Variants in AGBL1 observed in about 807,000 individuals in gnomAD.
AGBL1 encodes AGBL carboxypeptidase 1.
A neutral mutation model predicts 118.9 loss-of-function variants in AGBL1; 130 were observed. The ratio of observed to expected loss-of-function variants is 1.09; its 90% CI spans 0.95 to 1.26. The LOEUF (loss-of-function observed/expected upper bound fraction) is 1.26. Among genes scored for constraint, AGBL1 ranks in the 50% most tolerant of loss-of-function variants. The pLI is 0.00. For synonymous variants in AGBL1, 555 were observed against 478.9 expected (o/e 1.16, Z -2.08); for missense variants, 1,584 against 1,298.1 (o/e 1.22, Z -3.38).
rs762718866 is a variant in AGBL1, at chr15:86,270,110, G to A, written c.1987+43G>A. 57 of 1,576,438 alleles carry A rather than the reference G, an allele frequency of 3.6e-5. No individual in the cohort carries two copies. In the South Asian group the frequency reaches 5.4e-4, roughly 15 times the overall value. On this transcript the variant is annotated intron_variant, in intron 14 of 22. Coordinates refer to ENST00000614907, the MANE Select transcript of AGBL1 (RefSeq NM_001386094.1). ...GCAGGGGCTTTCTGGAACATGCCAG[G>A]AATGACATTTCTTGACTGTTTGGAT...
chr15:86,980,742 A>G (rs546467226), intron 23 of AGBL1, among the ~76,000 whole-genome samples: 3 of 152,230 alleles, frequency 2.0e-5, no homozygotes, highest in Non-Finnish European at 2.9e-5. Context: ...TTGAGTTCTC[A>G]TTCGTTTCTC....
At chr15:86,614,276 A>T (rs2084693807) in intron 21 of AGBL1, among the ~76,000 whole-genome samples, 1 of 152,188 alleles carries the variant, frequency 6.6e-6, no homozygotes, top group African/African-American at 2.4e-5. Flanking sequence ...GGATGAATTT[A>T]GCTCATCCTT....
At chr15:86,202,656 C>G (rs2077926398) in intron 5 of AGBL1, among the ~76,000 whole-genome samples, 1 of 152,138 alleles carries the variant, frequency 6.6e-6, no homozygotes, top group Non-Finnish European at 1.5e-5. Flanking sequence ...GTTTTATAAT[C>G]CTTAAAATAC....
intron 22 of AGBL1, among the ~76,000 whole-genome samples, chr15:86,765,394 C>G (rs996488782): frequency 6.6e-6 from 1 of 151,980 alleles, no homozygotes; most frequent in African/African-American, 2.4e-5. Context: ...AGTCAACAGA[C>G]AACTACAATC....
At chr15:87,006,081 G>T (rs552918890) in intron 24 of AGBL1, among the ~76,000 whole-genome samples, 2 of 152,192 alleles carry the variant, frequency 1.3e-5, no homozygotes, top group Admixed American at 6.5e-5. Flanking sequence ...GTACCCAGCC[G>T]TTTGAGGTAT....
At chr15:86,298,263 A>ATATATATATATGGTAAC (rs2079683326) in intron 17 of AGBL1, among the ~76,000 whole-genome samples, 1 of 80,200 alleles carries the variant, frequency 1.2e-5, no homozygotes, top group African/African-American at 4.9e-5. Flanking sequence ...ATATATATAT[A>ATATATATATATGGTAAC]TATATATATA....
intron 19 of AGBL1, among the ~76,000 whole-genome samples, chr15:86,524,958 A>T (rs1252188658): frequency 6.6e-6 from 1 of 152,182 alleles, no homozygotes; most frequent in Admixed American, 6.5e-5. Flanking sequence ...AGGAAATCAA[A>T]TTATTTCTGT....
At chr15:86,360,885 AT>A (rs1364928913) in intron 17 of AGBL1, among the ~76,000 whole-genome samples, 1 of 151,968 alleles carries the variant, frequency 6.6e-6, no homozygotes, top group African/African-American at 2.4e-5. Flanking sequence ...CTCTTAAGCT[AT>A]CTAAAGGTTT....
chr15:86,936,129 C>T (rs961787775), intron 23 of AGBL1, among the ~76,000 whole-genome samples: 1 of 152,116 alleles, frequency 6.6e-6, no homozygotes, highest in Admixed American at 6.5e-5. Flanking sequence ...TTCTGCAGTG[C>T]CACTAAGTGC....
intron 5 of AGBL1, among the ~76,000 whole-genome samples, chr15:86,160,004 A>G (rs930505919): frequency 1.3e-5 from 2 of 152,104 alleles, no homozygotes; most frequent in Non-Finnish European, 2.9e-5. Flanking sequence ...TCTTTACTGT[A>G]AGACTTCTCA....
At chr15:86,282,029 ATT>A (rs903184000) in intron 16 of AGBL1, among the ~76,000 whole-genome samples, 7 of 152,176 alleles carry the variant, frequency 4.6e-5, no homozygotes, top group Non-Finnish European at 7.3e-5. Context: ...CTACACACTG[ATT>A]CAAATTGTGT....
intron 17 of AGBL1, among the ~76,000 whole-genome samples, chr15:86,359,291 A>C (rs1256429181): frequency 6.6e-6 from 1 of 150,860 alleles, no homozygotes; most frequent in Non-Finnish European, 1.5e-5. Context: ...TTCTTCATTT[A>C]GTGTCCTCAG....
At chr15:86,462,779 G>T (rs1159108662) in intron 18 of AGBL1, among the ~76,000 whole-genome samples, 2 of 152,040 alleles carry the variant, frequency 1.3e-5, no homozygotes, top group Admixed American at 6.5e-5. Context: ...CTTTTTTATG[G>T]CTGCATAATA....
chr15:86,522,672 T>A (rs984493668), intron 18 of AGBL1, 138 bp from the exon 19 acceptor site: 1 of 1,118,716 alleles, frequency 8.9e-7, no homozygotes, highest in Non-Finnish European at 1.2e-6. Context: ...TCTAGACATC[T>A]GAAATTGATG....
intron 6 of AGBL1, among the ~76,000 whole-genome samples, chr15:86,237,674 A>T (rs891120575): frequency 6.6e-6 from 1 of 152,182 alleles, no homozygotes; most frequent in African/African-American, 2.4e-5. Context: ...AAAAATTTGG[A>T]TGGATAAAAA....
chr15:86,182,212 T>C (rs1289381790), intron 5 of AGBL1, among the ~76,000 whole-genome samples: 1 of 152,028 alleles, frequency 6.6e-6, no homozygotes, highest in Non-Finnish European at 1.5e-5. Flanking sequence ...TTCAAGGTCT[T>C]GCCTCTATAT....
chr15:86,363,044 T>C (rs1310581673), intron 17 of AGBL1, among the ~76,000 whole-genome samples: 1 of 152,026 alleles, frequency 6.6e-6, no homozygotes, highest in Non-Finnish European at 1.5e-5. Flanking sequence ...TGGAGCTGAG[T>C]CTACAGGGGA....
At chr15:86,412,023 G>C (rs1383917065) in intron 18 of AGBL1, among the ~76,000 whole-genome samples, 3 of 152,100 alleles carry the variant, frequency 2.0e-5, no homozygotes, top group Admixed American at 2.0e-4. Flanking sequence ...GAGACATTTG[G>C]CCCAAGGAAT....
At chr15:86,891,634 T>C (rs2080053798) in intron 22 of AGBL1, among the ~76,000 whole-genome samples, 1 of 151,148 alleles carries the variant, frequency 6.6e-6, no homozygotes, top group South Asian at 2.1e-4. Context: ...GAAACAATAG[T>C]AGCTTGAGCA....
Sources: gnomAD v4.1 joint callset for allele counts (sites outside exome capture counted in the v4.1 genomes callset) on GRCh38, gnomAD v4.1.1 for gene constraint, MANE v1.5 for transcripts, NCBI Gene and HGNC (gene_info 2026-07-23, HGNC 2026-07-21) for gene names.